The following VPS4A variants were observed in gnomAD, a reference collection of about 807,000 sequenced individuals.
The protein encoded by VPS4A is vacuolar protein sorting-associated protein 4A.
In VPS4A, 20 loss-of-function variants were observed where a neutral mutation model predicts 52.3. The ratio of observed to expected loss-of-function variants is 0.38; its 90% CI spans 0.27 to 0.56. The LOEUF (loss-of-function observed/expected upper bound fraction) is 0.56, where lower values mean the gene tolerates loss of function less well. Among genes scored for constraint, VPS4A ranks in the 20% least tolerant of loss-of-function variants. VPS4A has a pLI of 0.72. For synonymous variants in VPS4A, 293 were observed against 227.7 expected (o/e 1.29, Z -2.58); for missense variants, 419 against 575.9 (o/e 0.73, Z 2.79).
In VPS4A at chr16:69,316,847, C is replaced by T. The variant is rs796241870; in HGVS notation, c.281+475C>T. Reference sequence around the variant, plus strand: ...CCTCCAACAGGTGGGGCGGCCGGCTCGGGTTAGGAGCCCTGCCGAGGTGGC... The same window carrying T: ...CCTCCAACAGGTGGGGCGGCCGGCTTGGGTTAGGAGCCCTGCCGAGGTGGC... On this transcript the variant is annotated intron_variant, in intron 3 of 10. Transcript: ENST00000254950. Among the ~76,000 whole-genome samples, 21 of 152,292 alleles carry T rather than the reference C, an allele frequency of 1.4e-4. 1 individual carries two copies. The highest frequency in any genetic ancestry group is 3.6e-4 in the African/African-American group (15 of 41,562).
At chr16:69,316,842 C>T (rs1310977046) in intron 3 of VPS4A, among the ~76,000 whole-genome samples, 7 of 152,158 alleles carry the variant, frequency 4.6e-5, no homozygotes, top group Admixed American at 3.3e-4. Flanking sequence ...GTGGGGCGGC[C>T]GGCTCGGGTT....
intron 3 of VPS4A, among the ~76,000 whole-genome samples, chr16:69,317,904 T>C (rs985316523): frequency 5.8e-5 from 8 of 137,272 alleles, no homozygotes; most frequent in Non-Finnish European, 9.0e-5. Context: ...GAGATTGCAG[T>C]GAGCTGAGAT....
intron 3 of VPS4A, 77 bp from the exon 4 acceptor site, chr16:69,318,573 G>A (rs1409817914): frequency 2.1e-5 from 32 of 1,499,656 alleles, no homozygotes; most frequent in African/African-American, 7.0e-5. Flanking sequence ...TGCAGGCAGC[G>A]GAGCCTGGAC....
In VPS4A at chr16:69,321,743, G is replaced by A. The variant is rs945151194; in HGVS notation, c.1071+473G>A. The A allele has an allele frequency of 2.7e-5, 5 of 187,110 alleles. No individual in the cohort carries two copies. The highest frequency in any genetic ancestry group is 3.4e-5 in the Non-Finnish European group (3 of 88,610). 11.6% of individuals were successfully genotyped at this position (187,110 alleles called of 1,614,324 possible). On this transcript the variant is annotated intron_variant, in intron 9 of 10. Coordinates refer to ENST00000254950, the MANE Select transcript of VPS4A (RefSeq NM_013245.3). This position sits in a 1 kb window ranked among gnomAD's most constrained non-coding sequence, Gnocchi z 4.5. ...AATCCTAGACCTTCCGTTGTTGGTG[G>A]GGAGACAGTCAACACAGTCAGTGAG... is the stretch of plus-strand genomic sequence containing the variant.
intron 2 of VPS4A, 43 bp from the exon 3 acceptor site, chr16:69,316,182 G>A (rs1242879297): frequency 6.2e-7 from 1 of 1,612,410 alleles, no homozygotes; most frequent in South Asian, 1.1e-5. Context: ...AGAGGGGGTG[G>A]CGCACGAGCC....
intron 1 of VPS4A, among the ~76,000 whole-genome samples, chr16:69,315,640 C>T (rs1051496911): frequency 5.9e-5 from 9 of 152,168 alleles, no homozygotes; most frequent in Admixed American, 2.6e-4. Flanking sequence ...CTTGCTCCCG[C>T]GTGTCCCTTC....
rs999713454 is a variant in VPS4A at position 69,326,273 on chromosome 16, G to A, written c.*1964G>A. On this transcript the variant is annotated 3_prime_UTR_variant, in exon 11 of 11. Transcript: ENST00000254950. ...GCCTCTGCAGAAGTGAGCTAACTTT[G>A]GATCAGTAGCTCCAACACTTGGCTC... is the stretch of plus-strand genomic sequence containing the variant. 6.6e-6 allele frequency: 1 copy of A among 152,152 alleles called. No individual in the cohort carries two copies. The highest frequency in any genetic ancestry group is 1.5e-5 in the Non-Finnish European group (1 of 68,042). The allele number at this position is 152,152 out of a possible 1,614,324, so 9.4% of individuals were successfully genotyped here. A position where few individuals can be genotyped will look rare whatever the true frequency, so the allele number is the denominator to read the frequency against.
rs1965468393 is a variant in VPS4A, at chr16:69,318,638, C to T, written c.282-12C>T. 1 of 1,602,462 alleles carries T rather than the reference C, an allele frequency of 6.2e-7. No individual in the cohort carries two copies. The highest frequency in any genetic ancestry group is 8.5e-7 in the Non-Finnish European group (1 of 1,174,524). ...GAAGGGCCAGCTTGTGACTTTCCGT[C>T]TCCCTTCCCAGCAGTGACAGTGACA... On this transcript the variant is annotated splice_polypyrimidine_tract_variant and intron_variant, in intron 3 of 10. Transcript: ENST00000254950.
Position 69,317,741 on chromosome 16 carries a change from C to T in VPS4A, c.282-909C>T, listed in dbSNP as rs568155353. On this transcript the variant is annotated intron_variant, in intron 3 of 10. Coordinates refer to ENST00000254950, the MANE Select transcript of VPS4A (RefSeq NM_013245.3). The stretch of plus-strand genomic sequence containing the variant: ...CCGGGAGGCGGAGCTTGCAGTGAGC[C>T]GAGATCGAGCCACTACACTCCAGCC... Among the ~76,000 whole-genome samples, 23 of 150,986 alleles carry T rather than the reference C, an allele frequency of 1.5e-4. No individual in the cohort carries two copies. The East Asian group carries it at 4.1e-3, about 27-fold the overall frequency.
At position 69,321,522 on chromosome 16, in the gene VPS4A, C is replaced by T. The variant is rs115479855; in HGVS notation, c.1071+252C>T. On this transcript the variant is annotated intron_variant, in intron 9 of 10. Transcript: ENST00000254950. This position sits in a 1 kb window ranked among gnomAD's most constrained non-coding sequence, Gnocchi z 4.5. ...CCACTTTACTGTCTTAACCCTGCTG[C>T]GGCCTCCTCCGTCAGCACTGTGTGC... is the stretch of plus-strand genomic sequence containing the variant. 8.8e-4 allele frequency: 463 copies of T among 528,400 alleles called. 2 individuals carry two copies. Among genetic ancestry groups the T allele is most frequent in the African/African-American group, 7.4e-3 (388 of 52,534 alleles). The allele number at this position is 528,400 out of a possible 1,614,324, so 32.7% of individuals were successfully genotyped here. A position where few individuals can be genotyped will look rare whatever the true frequency, so the allele number is the denominator to read the frequency against.
At chr16:69,323,943 C>CAA (rs143292768) in intron 10 of VPS4A, among the ~76,000 whole-genome samples, 5,954 of 108,212 alleles carry the variant, frequency 0.055, 413 homozygotes, top group African/African-American at 0.14. Flanking sequence ...GACTCCGTCT[C>CAA]CAAAAAAAAA....
At position 69,311,441 on chromosome 16, in the gene VPS4A, C is replaced by G; in HGVS notation, c.-71C>G. On this transcript the variant is annotated 5_prime_UTR_variant, in exon 1 of 11. Transcript: ENST00000254950. Reference sequence around the variant, plus strand: ...CGGGCTTCCCGCGCCGGACCCAGTACCTCGGCTCCCCGGGGCCGGACCGAG... The same window carrying G: ...CGGGCTTCCCGCGCCGGACCCAGTAGCTCGGCTCCCCGGGGCCGGACCGAG... 8.1e-7 allele frequency: 1 copy of G among 1,236,636 alleles called. No individual in the cohort carries two copies. The highest frequency in any genetic ancestry group is 3.4e-5 in the East Asian group (1 of 29,710). 76.6% of individuals were successfully genotyped at this position (1,236,636 alleles called of 1,614,324 possible).
intron 10 of VPS4A, 113 bp from the exon 11 acceptor site, chr16:69,324,095 G>A (rs1965552096): frequency 9.9e-7 from 1 of 1,007,362 alleles, no homozygotes; most frequent in Non-Finnish European, 1.5e-6. Flanking sequence ...GGCCTCTGGG[G>A]TGGCCTTGAA....
At chr16:69,313,431 A>G (rs1965401026) in intron 1 of VPS4A, among the ~76,000 whole-genome samples, 1 of 152,104 alleles carries the variant, frequency 6.6e-6, no homozygotes, top group Admixed American at 6.6e-5. Flanking sequence ...GCCCTGGGCA[A>G]CCACTGCTAA....
chr16:69,317,070 G>A (rs1425380596), intron 3 of VPS4A, among the ~76,000 whole-genome samples: 1 of 152,160 alleles, frequency 6.6e-6, no homozygotes, highest in Admixed American at 6.5e-5. Context: ...GGGGTGGGTG[G>A]TGTCAGCTGC....
Position 69,311,504 on chromosome 16 carries a change from G to A in VPS4A, c.-8G>A, listed in dbSNP as rs1473408037. On this transcript the variant is annotated 5_prime_UTR_variant, in exon 1 of 11. Coordinates refer to ENST00000254950, the MANE Select transcript of VPS4A (RefSeq NM_013245.3). The stretch of plus-strand genomic sequence containing the variant: ...GCCGCGGGGTGTGGGGCGGACCCAG[G>A]AGATGAAATGACAACGTCAACCCTC... The A allele has an allele frequency of 7.4e-6, 10 of 1,354,634 alleles. No individual in the cohort carries two copies. The highest frequency in any genetic ancestry group is 3.0e-5 in the African/African-American group (2 of 66,720). The allele number at this position is 1,354,634 out of a possible 1,614,324, so 83.9% of individuals were successfully genotyped here.
In VPS4A at chr16:69,320,898, A is replaced by G; in HGVS notation, c.851+129A>G. ...GAGTCTTCCCGTCTGCCTGCCAAGC[A>G]GAGCCCTTTGTGAGGCTGGCTTGTT... On this transcript the variant is annotated intron_variant, in intron 8 of 10. Transcript: ENST00000254950. The surrounding 1 kb of genome is among the most constrained non-coding windows in gnomAD (Gnocchi z 4.2). 8.0e-7 allele frequency: 1 copy of G among 1,247,500 alleles called. No individual in the cohort carries two copies. Among genetic ancestry groups the G allele is most frequent in the East Asian group, 2.5e-5 (1 of 39,384 alleles). The allele number at this position is 1,247,500 out of a possible 1,614,324, so 77.3% of individuals were successfully genotyped here.
chr16:69,311,907 C>G (rs1965382299), intron 1 of VPS4A, among the ~76,000 whole-genome samples: 1 of 152,080 alleles, frequency 6.6e-6, no homozygotes, highest in Admixed American at 6.5e-5. Context: ...GTCTCGCTCC[C>G]TCCTCTCCTG....
chr16:69,317,522 G>C (rs1033365513), intron 3 of VPS4A, among the ~76,000 whole-genome samples: 10 of 152,148 alleles, frequency 6.6e-5, no homozygotes, highest in Admixed American at 5.2e-4. Flanking sequence ...GGCCGGGCGC[G>C]GTGGCTCACG....
Sources: gnomAD v4.1 joint callset for allele counts (sites outside exome capture counted in the v4.1 genomes callset) on GRCh38, gnomAD v4.1.1 for gene constraint, Gnocchi (gnomAD v3.1) non-coding constraint, MANE v1.5 for transcripts, NCBI Gene and HGNC (gene_info 2026-07-23, HGNC 2026-07-21) for gene names.